Variants in CCNY observed in about 807,000 individuals in gnomAD.
CCNY encodes cyclin Y, also known as cyclin-Y.
A neutral mutation model predicts 42.8 loss-of-function variants in CCNY; 19 were observed. The observed-to-expected ratio is 0.44, with a 90% CI of 0.31 to 0.65. The LOEUF is 0.65. CCNY is among the 30% of genes least tolerant of loss of function. CCNY has a pLI of 0.07. For synonymous variants in CCNY, 165 were observed against 162.7 expected, an observed-to-expected ratio of 1.01 and a Z score of -0.11; for missense variants, 370 against 437.3, an observed-to-expected ratio of 0.85 and a Z score of 1.37.
At chr10:35,453,330 A>G (rs774296992) in intron 1 of CCNY, among the ~76,000 whole-genome samples, 6 of 152,128 alleles carry the variant, frequency 3.9e-5, no homozygotes, top group Non-Finnish European at 5.9e-5. Flanking sequence ...AAAACTATTG[A>G]TTATTATTTT....
At chr10:35,565,878 G>C in intron 8 of CCNY, 145 bp from the exon 9 acceptor site, 1 of 784,630 alleles carries the variant, frequency 1.3e-6, no homozygotes, top group Non-Finnish European at 2.1e-6. Flanking sequence ...TCCCAATATG[G>C]TGGTCTAACC....
chr10:35,502,519 C>T (rs748962287), intron 3 of CCNY, among the ~76,000 whole-genome samples: 3 of 152,178 alleles, frequency 2.0e-5, no homozygotes, highest in Non-Finnish European at 2.9e-5. Flanking sequence ...GGCCCTTACA[C>T]TCAAGGGACA....
chr10:35,254,261 A>AGGG (rs2095714003), intron 3 of CCNY, among the ~76,000 whole-genome samples: 1 of 152,160 alleles, frequency 6.6e-6, no homozygotes, highest in Non-Finnish European at 1.5e-5. Context: ...TCTGAAATTA[A>AGGG]ATATGATTTA....
Position 35,569,559 on chromosome 10 carries a change from G to T in CCNY, c.*389G>T. ...TGGATGCAGAGCTGGCTGCACCCAGGGCTGGGCCAGTGTGTCCTGTAAGAC... is the reference window on the plus strand; with the variant it reads ...TGGATGCAGAGCTGGCTGCACCCAGTGCTGGGCCAGTGTGTCCTGTAAGAC... On this transcript the variant is annotated 3_prime_UTR_variant, in exon 10 of 10. Coordinates refer to ENST00000374704, the MANE Select transcript of CCNY (RefSeq NM_145012.6). 4.1e-6 allele frequency: 1 copy of T among 241,026 alleles called. No individual in the cohort carries two copies. The highest frequency in any genetic ancestry group is 8.3e-6 in the Non-Finnish European group (1 of 120,770). The allele number at this position is 241,026 out of a possible 1,614,324, so 14.9% of individuals were successfully genotyped here. A position where few individuals can be genotyped will look rare whatever the true frequency, so the allele number is the denominator to read the frequency against.
chr10:35,344,882 A>G (rs1259513418), intron 1 of CCNY, among the ~76,000 whole-genome samples: 1 of 152,164 alleles, frequency 6.6e-6, no homozygotes, highest in Non-Finnish European at 1.5e-5. Context: ...AGCTTCATCC[A>G]TGTCCCTACA....
intron 3 of CCNY, among the ~76,000 whole-genome samples, chr10:35,301,127 G>A (rs935103911): frequency 1.9e-4 from 29 of 152,094 alleles, no homozygotes; most frequent in Non-Finnish European, 1.5e-4. Flanking sequence ...ATTTAAATAG[G>A]AGAAAAGATG....
chr10:35,416,626 C>T (rs1200151137), intron 1 of CCNY, among the ~76,000 whole-genome samples: 1 of 152,078 alleles, frequency 6.6e-6, no homozygotes, highest in Non-Finnish European at 1.5e-5. Flanking sequence ...CAAAAGATTT[C>T]CTGTTGCTTT....
intron 1 of CCNY, among the ~76,000 whole-genome samples, chr10:35,447,530 C>T (rs1460298151): frequency 6.6e-6 from 1 of 152,146 alleles, no homozygotes; most frequent in African/African-American, 2.4e-5. Context: ...TTGATTTTAC[C>T]TGCACGTTTC....
At position 35,310,727 on chromosome 10, in the gene CCNY, G is replaced by A. The variant is rs528060184; in HGVS notation, c.-9+60101G>A. Among the ~76,000 whole-genome samples, 142 of 152,262 alleles carry A rather than the reference G, an allele frequency of 9.3e-4. 1 individual carries two copies. Among genetic ancestry groups the A allele is most frequent in the African/African-American group, 3.2e-3 (134 of 41,556 alleles). On this transcript the variant is annotated intron_variant, in intron 3 of 11. Coordinates refer to the CCNY transcript ENST00000374706. ...AAGCTTTTTTGATTGCTTAGCCTTTGTAGTGTGATTACTTTTTGAGCAGTC... is the reference window on the plus strand; with the variant it reads ...AAGCTTTTTTGATTGCTTAGCCTTTATAGTGTGATTACTTTTTGAGCAGTC...
intron 3 of CCNY, among the ~76,000 whole-genome samples, chr10:35,330,668 T>A (rs929757483): frequency 3.3e-5 from 5 of 152,224 alleles, no homozygotes; most frequent in African/African-American, 1.2e-4. Context: ...ATGGCTTCTA[T>A]CTTCAAGGTC....
At chr10:35,461,326 G>A (rs967933924) in intron 1 of CCNY, among the ~76,000 whole-genome samples, 2 of 152,114 alleles carry the variant, frequency 1.3e-5, no homozygotes, top group Admixed American at 6.5e-5. Flanking sequence ...GGGCAAGTGG[G>A]AATTTATGGC....
In CCNY at chr10:35,559,218, C is replaced by A. The variant is rs528235007; in HGVS notation, c.746+6033C>A. ...CTCAGAAAGAAGTGAGGAGCATGTT[C>A]CTGGGAGCTGGAGGAAAGGTGATCC... On this transcript the variant is annotated intron_variant, in intron 8 of 9. Coordinates refer to ENST00000374704, the MANE Select transcript of CCNY (RefSeq NM_145012.6). 6.1e-4 allele frequency among the ~76,000 whole-genome samples: 93 copies of A among 152,258 alleles called. No individual in the cohort carries two copies. In the South Asian group the frequency reaches 0.017, roughly 28 times the overall value.
intron 1 of CCNY, among the ~76,000 whole-genome samples, chr10:35,341,312 T>G (rs1836176356): frequency 1.3e-5 from 2 of 152,210 alleles, no homozygotes; most frequent in African/African-American, 4.8e-5. Context: ...CTTTATCACC[T>G]GCAGCCTTGG....
intron 4 of CCNY, among the ~76,000 whole-genome samples, chr10:35,517,926 G>T (rs976460332): frequency 6.6e-5 from 10 of 152,194 alleles, no homozygotes; most frequent in African/African-American, 2.4e-4. Context: ...GGAGAGAAGT[G>T]GAAAGCCCTG....
chr10:35,509,450 ATT>A lies in CCNY; in HGVS notation c.265-7069_265-7068del, dbSNP rs567736475. On this transcript the variant is annotated intron_variant, in intron 3 of 9. Transcript: ENST00000374704. ...TCCACCACGCCCAGCTAATTTTTGT[ATT>A]TTTAATAGAGACGGGGTTTCACCAT... Among the ~76,000 whole-genome samples the A allele has an allele frequency of 4.0e-4, 61 of 152,024 alleles. No homozygotes were observed. In the South Asian group the frequency reaches 9.6e-3, roughly 24 times the overall value.
At position 35,269,281 on chromosome 10, in the gene CCNY, C is replaced by A. The variant is rs1378928177; in HGVS notation, c.-9+18655C>A. Among the ~76,000 whole-genome samples the A allele has an allele frequency of 2.0e-5, 3 of 150,902 alleles. No individual in the cohort carries two copies. The East Asian group carries it at 5.9e-4, about 29-fold the overall frequency. ...TGCCAAATAATCTACTTCCTTCCTT[C>A]CTTCCTTCCTTCCTTCCTTCCTTCC... On this transcript the variant is annotated intron_variant, in intron 3 of 11. Coordinates refer to the CCNY transcript ENST00000374706.
chr10:35,496,372 C>T (rs1247030532), intron 2 of CCNY, among the ~76,000 whole-genome samples: 1 of 152,232 alleles, frequency 6.6e-6, no homozygotes. Context: ...TACACGCGGT[C>T]TCCTCTCTTC....
chr10:35,310,749 A>G (rs915578578), intron 3 of CCNY, among the ~76,000 whole-genome samples: 4 of 152,198 alleles, frequency 2.6e-5, no homozygotes, highest in African/African-American at 4.8e-5. Context: ...CTTTTTGAGC[A>G]GTCTTAATAT....
Position 35,355,597 on chromosome 10 carries a change from G to A in CCNY, c.154+18390G>A, listed in dbSNP as rs140887237. ...GGAGGCTGAGGCAGAAGAATCGCTT[G>A]AACCCAGTAGGCAGAGGTTGCAGTG... On this transcript the variant is annotated intron_variant, in intron 1 of 9. Coordinates refer to ENST00000374704, the MANE Select transcript of CCNY (RefSeq NM_145012.6). Among the ~76,000 whole-genome samples, 969 of 128,458 alleles carry A rather than the reference G, an allele frequency of 7.5e-3. 16 individuals are homozygous for A. The highest frequency in any genetic ancestry group is 0.027 in the African/African-American group (926 of 34,524). The allele number at this position is 128,458 out of a possible 152,430, so 84.3% of individuals were successfully genotyped here.
Sources: gnomAD v4.1 joint callset for allele counts (sites outside exome capture counted in the v4.1 genomes callset) on GRCh38, gnomAD v4.1.1 for gene constraint, MANE v1.5 for transcripts, NCBI Gene and HGNC (gene_info 2026-07-23, HGNC 2026-07-21) for gene names.